SV2C: variants seen among roughly 807,000 people sequenced by gnomAD.
SV2C encodes the protein solute carrier family 22 member B3.
A neutral mutation model predicts 79.7 loss-of-function variants in SV2C; 49 were observed. The observed-to-expected ratio is 0.61, with a 90% confidence interval of 0.49 to 0.78. SV2C has a LOEUF of 0.78. SV2C is among the 30% of genes least tolerant of loss of function. The probability of loss-of-function intolerance (pLI) is 0.00; values close to 1 mark genes in which losing one functional copy is unlikely to be tolerated. For synonymous variants in SV2C, 334 were observed against 333.2 expected (o/e 1.00, Z -0.03); for missense variants, 833 against 912.9 (o/e 0.91, Z 1.13).
rs115129611 is a variant in SV2C at position 76,168,183 on chromosome 5, A to G, written c.581-26736A>G. On this transcript the variant is annotated intron_variant, in intron 2 of 12. Coordinates refer to ENST00000502798, the MANE Select transcript of SV2C (RefSeq NM_014979.4). Reference sequence around the variant, plus strand: ...GCCCAGAGGTACCTACTCCTGCCCAATTGTATCTCCTCCCCAGTCCTGCAT... The same window carrying G: ...GCCCAGAGGTACCTACTCCTGCCCAGTTGTATCTCCTCCCCAGTCCTGCAT... Among the ~76,000 whole-genome samples, 710 of 152,134 alleles carry G rather than the reference A, an allele frequency of 4.7e-3. 8 individuals are homozygous for G. Among genetic ancestry groups the G allele is most frequent in the African/African-American group, 0.017 (689 of 41,480 alleles).
At chr5:75,923,578 A>G in the SV2C span, among the ~76,000 whole-genome samples, 4 of 152,184 alleles carry the variant, frequency 2.6e-5, no homozygotes, top group African/African-American at 9.6e-5. Context: ...AGCATAAAAA[A>G]AATCCCATCT....
intron 12 of SV2C, among the ~76,000 whole-genome samples, chr5:76,341,737 C>T (rs246819): frequency 0.47 from 71,917 of 151,864 alleles, 19,367 homozygotes; most frequent in East Asian, 0.84. Context: ...AAATCATAGC[C>T]GCTGTGATTA....
chr5:76,298,877 A>G lies in SV2C; in HGVS notation c.1586A>G (p.Asn529Ser). 1 of 1,614,032 alleles carries G rather than the reference A, an allele frequency of 6.2e-7. No individual in the cohort carries two copies. The highest frequency in any genetic ancestry group is 8.5e-7 in the Non-Finnish European group (1 of 1,179,930). The change falls in exon 10 of 13, where the codon AAC (asparagine) becomes AGC (serine). Residue 529 changes from asparagine to serine, a missense_variant. Asn to Ser is a conservative substitution (Grantham distance 46, BLOSUM62 1). Coordinates refer to ENST00000502798, the MANE Select transcript of SV2C (RefSeq NM_014979.4). ...ACCTTTGAGGATGTAACTTCAGTGA[A>G]CACCTACTTCAAGAACTGCACATTT... The part of the protein sequence containing the change: ...SCTFEDVTSV[N>S]TYFKNCTFID...
the SV2C span, among the ~76,000 whole-genome samples, chr5:76,048,965 G>GAGAAAGAAAGAAAGAAAGACAGAA: frequency 1.7e-5 from 1 of 58,164 alleles, no homozygotes; most frequent in Non-Finnish European, 3.1e-5. Flanking sequence ...GAAAGAAAAA[G>GAGAAAGAAAGAAAGAAAGACAGAA]AGAAAGAAAG....
intron 4 of SV2C, among the ~76,000 whole-genome samples, chr5:76,264,264 T>C (rs1746574356): frequency 6.6e-6 from 1 of 151,986 alleles, no homozygotes; most frequent in Non-Finnish European, 1.5e-5. Context: ...GTTCTCCTGC[T>C]GTGTTTTTCA....
At chr5:76,193,428 G>A (rs1020412187) in intron 2 of SV2C, among the ~76,000 whole-genome samples, 1 of 152,188 alleles carries the variant, frequency 6.6e-6, no homozygotes, top group African/African-American at 2.4e-5. Flanking sequence ...ACAGGGTTGA[G>A]CTCAAGCAGA....
chr5:76,191,833 C>G (rs929017663), intron 2 of SV2C, among the ~76,000 whole-genome samples: 2 of 152,202 alleles, frequency 1.3e-5, no homozygotes, highest in Non-Finnish European at 2.9e-5. Flanking sequence ...TCAGGTTCAA[C>G]CTCCTGAAAT....
In SV2C at chr5:76,331,435, A is replaced by G. The variant is rs1580081438; in HGVS notation, c.*5888A>G. 6.6e-6 allele frequency: 1 copy of G among 152,246 alleles called. No homozygotes were observed. Among genetic ancestry groups the G allele is most frequent in the South Asian group, 2.1e-4 (1 of 4,824 alleles). 9.4% of individuals were successfully genotyped at this position (152,246 alleles called of 1,614,324 possible). On this transcript the variant is annotated 3_prime_UTR_variant, in exon 13 of 13. Transcript: ENST00000502798. ...TAAGCCATCCAGAAAACAGGTTCTG[A>G]CAGCCAGTAGCAGGGGTATTTTGGG...
intron 4 of SV2C, among the ~76,000 whole-genome samples, chr5:76,257,263 ATGTGTGTGTGTG>A (rs59644660): frequency 0.29 from 39,140 of 134,232 alleles, 6,357 homozygotes; most frequent in African/African-American, 0.51. Flanking sequence ...GCTGTAGTGT[ATGTGTGTGTGTG>A]TGTGTGTGTG....
At chr5:76,192,799 A>T (rs1744145315) in intron 2 of SV2C, among the ~76,000 whole-genome samples, 1 of 152,228 alleles carries the variant, frequency 6.6e-6, no homozygotes, top group South Asian at 2.1e-4. Context: ...GTGTAGTCAC[A>T]AAAGATTACT....
intron 9 of SV2C, among the ~76,000 whole-genome samples, chr5:76,296,976 A>G (rs1025499007): frequency 2.0e-5 from 3 of 152,196 alleles, no homozygotes; most frequent in African/African-American, 4.8e-5. Context: ...ACTGACTTTC[A>G]AAAGTATTGT....
the SV2C span, among the ~76,000 whole-genome samples, chr5:76,064,819 T>C: frequency 6.6e-6 from 1 of 152,194 alleles, no homozygotes; most frequent in Non-Finnish European, 1.5e-5. Context: ...TATTAACTGC[T>C]AATATTTTTT....
At chr5:76,285,964 A>G (rs1315690881) in intron 6 of SV2C, 94 bp downstream of exon 6, 2 of 1,178,632 alleles carry the variant, frequency 1.7e-6, no homozygotes, top group African/African-American at 1.5e-5. Flanking sequence ...TTTGCAAGTC[A>G]TACGGTCTTT....
At chr5:76,169,292 A>G (rs1743142161) in intron 2 of SV2C, among the ~76,000 whole-genome samples, 2 of 152,158 alleles carry the variant, frequency 1.3e-5, no homozygotes, top group South Asian at 4.2e-4. Context: ...TGGCAATATG[A>G]TGGCTGTCAT....
intron 1 of SV2C, among the ~76,000 whole-genome samples, chr5:76,106,703 C>T (rs1157220193): frequency 6.6e-6 from 1 of 152,144 alleles, no homozygotes; most frequent in Non-Finnish European, 1.5e-5. Context: ...ATGTCTCTTT[C>T]CTTCTTTAAG....
rs1247200966 is a variant in SV2C at position 76,138,292 on chromosome 5, A to G, written c.580+5962A>G. ...AACTCTTAGTCCTATGTTCCTTTCCAGTTCCCTCACGTTTTCATTTAAAGC... is the reference window on the plus strand; with the variant it reads ...AACTCTTAGTCCTATGTTCCTTTCCGGTTCCCTCACGTTTTCATTTAAAGC... On this transcript the variant is annotated intron_variant, in intron 2 of 12. Coordinates refer to ENST00000502798, the MANE Select transcript of SV2C (RefSeq NM_014979.4). 3.3e-5 allele frequency among the ~76,000 whole-genome samples: 5 copies of G among 152,160 alleles called. No homozygotes were observed. The East Asian group carries it at 7.7e-4, about 23-fold the overall frequency.
the SV2C span, among the ~76,000 whole-genome samples, chr5:76,008,273 G>A: frequency 6.6e-6 from 1 of 152,146 alleles, no homozygotes; most frequent in Non-Finnish European, 1.5e-5. Flanking sequence ...GTCTGTCTCA[G>A]CAGGGGAGCC....
At chr5:75,884,051 T>A in the SV2C span, among the ~76,000 whole-genome samples, 2 of 152,054 alleles carry the variant, frequency 1.3e-5, no homozygotes, top group African/African-American at 2.4e-5. Flanking sequence ...AGACTGGGGA[T>A]CAGCAAAAGT....
chr5:76,195,727 A>C (rs182600991), intron 3 of SV2C, among the ~76,000 whole-genome samples: 143 of 152,302 alleles, frequency 9.4e-4, no homozygotes, highest in Non-Finnish European at 1.8e-3. Context: ...AAAACCTAAT[A>C]GCTGAATAAG....
Sources: allele counts gnomAD v4.1 joint callset (sites outside exome capture counted in the v4.1 genomes callset), GRCh38; gene constraint gnomAD v4.1.1; transcripts MANE v1.5; gene names NCBI Gene and HGNC (gene_info 2026-07-23, HGNC 2026-07-21).